The following TMPRSS11F variants were observed in gnomAD, a reference collection of about 807,000 sequenced individuals.
TMPRSS11F encodes transmembrane serine protease 11F.
In TMPRSS11F, 47 loss-of-function variants were observed where a neutral mutation model predicts 60.2. That is an observed-to-expected ratio of 0.78 (90% CI 0.62 to 1.00). The LOEUF (loss-of-function observed/expected upper bound fraction) is 1.00. Among genes scored for constraint, TMPRSS11F ranks in the 50% least tolerant of loss-of-function variants. The pLI, the probability that TMPRSS11F is intolerant of heterozygous loss-of-function variation, is 0.00. For synonymous variants in TMPRSS11F, 166 were observed against 167.3 expected, an observed-to-expected ratio of 0.99 and a Z score of 0.06; for missense variants, 519 against 522.9, an observed-to-expected ratio of 0.99 and a Z score of 0.07.
At position 68,119,116 on chromosome 4, in the gene TMPRSS11F, T is replaced by C. The variant is rs79189685; in HGVS notation, c.11+10694A>G. 1.3e-3 allele frequency among the ~76,000 whole-genome samples: 201 copies of C among 152,156 alleles called. 1 individual carries two copies. Among genetic ancestry groups the C allele is most frequent in the African/African-American group, 4.7e-3 (197 of 41,522 alleles). On this transcript the variant is annotated intron_variant, in intron 1 of 9. Transcript: ENST00000356291. ...TACGGAGTAAGTTTTGTGGGCTGGA[T>C]AGAAGATCAAACCAGCCACACACAA...
Position 68,073,993 on chromosome 4 carries a change from C to T in TMPRSS11F, c.299G>A (p.Arg100Gln), listed in dbSNP as rs761145792. 11 of 1,577,502 alleles carry T rather than the reference C, an allele frequency of 7.0e-6. No homozygotes were observed. The highest frequency in any genetic ancestry group is 4.7e-5 in the South Asian group (4 of 84,436). The part of the protein sequence containing the change: ...QIERMMSRIF[R>Q]HSSVGGRFIK... ...AAATCGACCGCCTACAGAAGAATGT[C>T]GAAATATCCTAGACATCTGATTTTT... is the stretch of plus-strand genomic sequence containing the variant. Residue 100 changes from arginine (R) to glutamine (Q), a missense_variant, in exon 4 of 10, where the codon CGA (arginine) becomes CAA (glutamine). Physicochemically the swap from Arg to Gln is conservative, Grantham distance 43. Transcript: ENST00000356291.
chr4:68,103,775 T>C (rs1295577018), intron 1 of TMPRSS11F, among the ~76,000 whole-genome samples: 1 of 152,166 alleles, frequency 6.6e-6, no homozygotes, highest in Admixed American at 6.6e-5. Context: ...CAATAGTAAT[T>C]CTGATTCAGA....
At chr4:68,112,707 C>T (rs1261689017) in intron 1 of TMPRSS11F, among the ~76,000 whole-genome samples, 3 of 152,008 alleles carry the variant, frequency 2.0e-5, no homozygotes, top group African/African-American at 7.3e-5. Context: ...TTGCTCATTG[C>T]CGTAACTCCA....
At chr4:68,082,441 G>A (rs905698653) in intron 3 of TMPRSS11F, among the ~76,000 whole-genome samples, 2 of 152,146 alleles carry the variant, frequency 1.3e-5, no homozygotes, top group Non-Finnish European at 2.9e-5. Context: ...TCTGCTGACC[G>A]CAGGGCCAGG....
chr4:68,076,731 A>G (rs1723591565), intron 3 of TMPRSS11F, among the ~76,000 whole-genome samples: 1 of 152,204 alleles, frequency 6.6e-6, no homozygotes, highest in Non-Finnish European at 1.5e-5. Flanking sequence ...CCCATAACCA[A>G]TGGCAGTCAA....
chr4:68,112,549 G>A (rs1724427690), intron 1 of TMPRSS11F, among the ~76,000 whole-genome samples: 1 of 152,062 alleles, frequency 6.6e-6, no homozygotes, highest in Non-Finnish European at 1.5e-5. Flanking sequence ...AGGAGTTACA[G>A]TACAGCCTAT....
chr4:68,115,696 A>G (rs555542878), intron 1 of TMPRSS11F, among the ~76,000 whole-genome samples: 1 of 152,330 alleles, frequency 6.6e-6, no homozygotes, highest in South Asian at 2.1e-4. Flanking sequence ...CATACATAAA[A>G]ATCAAACTAT....
intron 7 of TMPRSS11F, among the ~76,000 whole-genome samples, chr4:68,067,536 T>C (rs1477224000): frequency 1.3e-5 from 1 of 76,994 alleles, no homozygotes; most frequent in African/African-American, 4.5e-5. Flanking sequence ...TGGAAGACAC[T>C]CTCACAAAAA....
Position 68,063,147 on chromosome 4 carries a change from A to C in TMPRSS11F, c.1015+1538T>G, listed in dbSNP as rs767591963. On this transcript the variant is annotated intron_variant, in intron 8 of 9. Transcript: ENST00000356291. ...CTGCTTATTAATATAGAGAAAAAGA[A>C]GCAGCATCAGGATAATAAACACCCA... The C allele has an allele frequency of 6.5e-6, 4 of 611,972 alleles. No homozygotes were observed. The East Asian group carries it at 1.6e-4, about 25-fold the overall frequency. 37.9% of individuals were successfully genotyped at this position (611,972 alleles called of 1,614,324 possible). A position where few individuals can be genotyped will look rare whatever the true frequency, so the allele number is the denominator to read the frequency against.
At chr4:68,099,176 G>T in intron 1 of TMPRSS11F, 138 bp from the exon 2 acceptor site, 1 of 682,542 alleles carries the variant, frequency 1.5e-6, no homozygotes, top group Non-Finnish European at 2.2e-6. Context: ...AAGAACAGTA[G>T]GTTTTAATTT....
intron 3 of TMPRSS11F, chr4:68,080,894 A>T (rs1003619005): frequency 6.6e-6 from 1 of 152,218 alleles, no homozygotes; most frequent in Admixed American, 6.5e-5. Context: ...TTCTGTCATC[A>T]CACATCCCCA....
At chr4:68,065,574 C>A (rs998842159) in intron 7 of TMPRSS11F, among the ~76,000 whole-genome samples, 35 of 152,122 alleles carry the variant, frequency 2.3e-4, no homozygotes, top group African/African-American at 8.2e-4. Flanking sequence ...GCTTTTCTCT[C>A]CCACAAGGTT....
chr4:68,076,822 G>T (rs1262227221), intron 3 of TMPRSS11F, among the ~76,000 whole-genome samples: 1 of 152,110 alleles, frequency 6.6e-6, no homozygotes, highest in African/African-American at 2.4e-5. Flanking sequence ...AGATGAAGAC[G>T]AGCAAAAACA....
chr4:68,106,978 C>T (rs1724315234), intron 1 of TMPRSS11F, among the ~76,000 whole-genome samples: 1 of 152,160 alleles, frequency 6.6e-6, no homozygotes, highest in Non-Finnish European at 1.5e-5. Context: ...GCACTACTCT[C>T]ATGCTATGGT....
intron 1 of TMPRSS11F, among the ~76,000 whole-genome samples, chr4:68,119,289 C>A (rs981484925): frequency 3.9e-5 from 6 of 151,998 alleles, no homozygotes; most frequent in Non-Finnish European, 8.8e-5. Context: ...GGAAAGAAAC[C>A]ATTTTCATAA....
At chr4:68,092,187 A>G in intron 2 of TMPRSS11F, among the ~76,000 whole-genome samples, 1 of 148,546 alleles carries the variant, frequency 6.7e-6, no homozygotes, top group Non-Finnish European at 1.5e-5. Flanking sequence ...AATGTTAAAA[A>G]CAAACATTCA....
chr4:68,065,781 CT>C (rs1723313631), intron 7 of TMPRSS11F, among the ~76,000 whole-genome samples: 1 of 102,334 alleles, frequency 9.8e-6, no homozygotes, highest in Non-Finnish European at 2.4e-5. Context: ...AAAAAAAAAC[CT>C]GAAAGATCAG....
intron 1 of TMPRSS11F, among the ~76,000 whole-genome samples, chr4:68,117,467 CAAAAAAAAAAAAAAAAAA>C (rs55708045): frequency 1.9e-5 from 1 of 51,394 alleles, no homozygotes; most frequent in African/African-American, 1.1e-4. Context: ...GACTCTGTCT[CAAAAAAAAAAAAAAAAAA>C]AAAAAAAAAA....
chr4:68,123,169 G>A lies in TMPRSS11F; in HGVS notation c.11+6641C>T, dbSNP rs189046500. Among the ~76,000 whole-genome samples, 297 of 152,338 alleles carry A rather than the reference G, an allele frequency of 1.9e-3. 1 individual carries two copies. Among genetic ancestry groups the A allele is most frequent in the African/African-American group, 6.9e-3 (285 of 41,584 alleles). ...AGCTGCTGTCAGTAGGAGAAATATGGTAGCTAAGCAGCTAAATGAATTAAA... is the reference window on the plus strand; with the variant it reads ...AGCTGCTGTCAGTAGGAGAAATATGATAGCTAAGCAGCTAAATGAATTAAA... On this transcript the variant is annotated intron_variant, in intron 1 of 9. Coordinates refer to ENST00000356291, the MANE Select transcript of TMPRSS11F (RefSeq NM_207407.2).
Sources: allele counts gnomAD v4.1 joint callset (sites outside exome capture counted in the v4.1 genomes callset), GRCh38; gene constraint gnomAD v4.1.1; transcripts MANE v1.5; gene names NCBI Gene and HGNC (gene_info 2026-07-23, HGNC 2026-07-21).